FAM217A: variants seen among roughly 807,000 people sequenced by gnomAD.
The protein encoded by FAM217A is protein FAM217A.
A neutral mutation model predicts 18.5 loss-of-function variants in FAM217A; 13 were observed. The observed-to-expected ratio is 0.70, with a 90% CI of 0.46 to 1.12. FAM217A has a LOEUF of 1.12. FAM217A is among the 50% of genes most tolerant of loss of function. The pLI, the probability that FAM217A is intolerant of heterozygous loss-of-function variation, is 0.00. For missense variants in FAM217A, 560 were observed against 575.4 expected (o/e 0.97, Z 0.27); for synonymous variants, 161 against 202.8 (o/e 0.79, Z 1.75).
Position 4,074,567 on chromosome 6 carries a change from G to T in FAM217A, c.145+10C>A. 1 of 1,609,332 alleles carries T rather than the reference G, an allele frequency of 6.2e-7. No homozygotes were observed. The highest frequency in any genetic ancestry group is 8.5e-7 in the Non-Finnish European group (1 of 1,175,950). ...TTTCAGTATAAGTATACACATCTAG[G>T]ATTTCTTACCACCTGCTGCTCCATC... On this transcript the variant is annotated intron_variant, in intron 3 of 6. Coordinates refer to ENST00000274673, the MANE Select transcript of FAM217A (RefSeq NM_173563.3).
chr6:4,079,357 CG>C (rs1032583662), upstream of FAM217A: 40 of 235,054 alleles, frequency 1.7e-4, no homozygotes, highest in Non-Finnish European at 1.4e-4. Flanking sequence ...CGGCCTCCCC[CG>C]CGGGGCTGCG....
rs1299719953 is a variant in FAM217A, at chr6:4,078,950, CCCCTCTGCCG to C, written c.-143_-134del. 10 of 550,962 alleles carry C rather than the reference CCCCTCTGCCG, an allele frequency of 1.8e-5. No individual in the cohort carries two copies. The South Asian group carries it at 2.0e-4, about 11-fold the overall frequency. The allele number at this position is 550,962 out of a possible 1,614,324, so 34.1% of individuals were successfully genotyped here. On this transcript the variant is annotated 5_prime_UTR_variant, in exon 1 of 7. Transcript: ENST00000274673. ...GCGTGGCTGACGGCTTGGAGGGCGC[CCCCTCTGCCG>C]CGGCCTTCCTGCAGCGGGGGGACAA...
In FAM217A at chr6:4,078,948, GC is replaced by G; in HGVS notation, c.-132del. 3.6e-6 allele frequency: 2 copies of G among 550,284 alleles called. No individual in the cohort carries two copies. Among genetic ancestry groups the G allele is most frequent in the South Asian group, 2.2e-5 (1 of 45,500 alleles). The allele number at this position is 550,284 out of a possible 1,614,324, so 34.1% of individuals were successfully genotyped here. A position where few individuals can be genotyped will look rare whatever the true frequency, so the allele number is the denominator to read the frequency against. ...GTGCGTGGCTGACGGCTTGGAGGGC[GC>G]CCCCTCTGCCGCGGCCTTCCTGCAG... On this transcript the variant is annotated 5_prime_UTR_variant, in exon 1 of 7. Coordinates refer to ENST00000274673, the MANE Select transcript of FAM217A (RefSeq NM_173563.3).
intron 6 of FAM217A, among the ~76,000 whole-genome samples, chr6:4,071,317 G>T (rs1033790033): frequency 6.6e-6 from 1 of 152,118 alleles, no homozygotes; most frequent in East Asian, 1.9e-4. Context: ...TTTGTTGATG[G>T]TATATTGAGG....
chr6:4,082,928 G>A (rs148713396), upstream of FAM217A, among the ~76,000 whole-genome samples: 5 of 152,138 alleles, frequency 3.3e-5, no homozygotes, highest in African/African-American at 4.8e-5. Context: ...AGGCCACCAC[G>A]CCTGGCTAAT....
At position 4,068,958 on chromosome 6, in the gene FAM217A, T is replaced by C. The variant is rs770820767; in HGVS notation, c.1265A>G (p.His422Arg). ...QELSFKPTIG[H>R]TNQSMVKMVS... ...CATTTTAACCATTGATTGATTTGTA[T>C]GGCCAATAGTAGGTTTGAATGAGAG... is the stretch of plus-strand genomic sequence containing the variant. Residue 422 changes from histidine (H) to arginine (R), a missense_variant, in exon 7 of 7, where the codon CAT becomes CGT. His to Arg is a conservative substitution (Grantham distance 29). Transcript: ENST00000274673. The C allele has an allele frequency of 2.7e-5, 43 of 1,614,186 alleles. 2 individuals carry two copies. The South Asian group carries it at 4.7e-4, about 18-fold the overall frequency.
chr6:4,074,767 C>T (rs1769665458), intron 2 of FAM217A, 106 bp from the exon 3 acceptor site: 3 of 776,914 alleles, frequency 3.9e-6, no homozygotes, highest in Admixed American at 4.7e-5. Context: ...CACAAAGCTT[C>T]ATGACTCTCA....
At chr6:4,087,080 C>G, upstream of FAM217A, 1 of 399,810 alleles carries the variant, frequency 2.5e-6, no homozygotes, top group Non-Finnish European at 4.4e-6. Flanking sequence ...GAGGACTGCA[C>G]TGATGTAACC....
intron 1 of FAM217A, 115 bp downstream of exon 1, chr6:4,078,737 G>T: frequency 2.5e-6 from 1 of 401,462 alleles, no homozygotes. Context: ...CAAGGCCCCC[G>T]TGAAGAGGAA....
upstream of FAM217A, among the ~76,000 whole-genome samples, chr6:4,079,840 A>G (rs1282792832): frequency 6.6e-6 from 1 of 152,246 alleles, no homozygotes; most frequent in Admixed American, 6.5e-5. Context: ...TCAATAGGAA[A>G]AACAAAAGAT....
chr6:4,083,401 C>T (rs1414576461), upstream of FAM217A, among the ~76,000 whole-genome samples: 1 of 152,186 alleles, frequency 6.6e-6, no homozygotes, highest in East Asian at 1.9e-4. Context: ...GAGGGAAAAG[C>T]CTTCTATTTC....
intron 6 of FAM217A, among the ~76,000 whole-genome samples, chr6:4,070,879 C>T (rs759742450): frequency 6.6e-6 from 1 of 151,932 alleles, no homozygotes; most frequent in Non-Finnish European, 1.5e-5. Flanking sequence ...ACCTGTAGTC[C>T]CTGCTCCTCT....
chr6:4,072,537 T>C (rs974199323), intron 6 of FAM217A, among the ~76,000 whole-genome samples: 3 of 150,196 alleles, frequency 2.0e-5, no homozygotes, highest in Non-Finnish European at 4.4e-5. Flanking sequence ...CCGAGGTGGG[T>C]GGATCACCTG....
At chr6:4,082,526 T>C (rs1183856905), upstream of FAM217A, among the ~76,000 whole-genome samples, 1 of 152,172 alleles carries the variant, frequency 6.6e-6, no homozygotes, top group Non-Finnish European at 1.5e-5. Flanking sequence ...TTACTCCAAT[T>C]TTCCCTTTGC....
rs755168765 is a variant in FAM217A at position 4,068,919 on chromosome 6, C to T, written c.1304G>A (p.Cys435Tyr). Residue 435 changes from cysteine (C) to tyrosine (Y), a missense_variant, in exon 7 of 7, where the codon TGT becomes TAT. Coordinates refer to ENST00000274673, the MANE Select transcript of FAM217A (RefSeq NM_173563.3). ...TGGCATTGGAGACCTCCATGGCAGACATCTTGTGGAGACCATTTTAACCAT... is the reference window on the plus strand; with the variant it reads ...TGGCATTGGAGACCTCCATGGCAGATATCTTGTGGAGACCATTTTAACCAT... ...QSMVKMVSTR[C>Y]LPWRSPMPVS... 10 of 1,614,172 alleles carry T rather than the reference C, an allele frequency of 6.2e-6. No homozygotes were observed. Among genetic ancestry groups the T allele is most frequent in the Non-Finnish European group, 8.5e-6 (10 of 1,180,034 alleles).
chr6:4,082,422 G>A (rs1770363181), upstream of FAM217A, among the ~76,000 whole-genome samples: 1 of 152,162 alleles, frequency 6.6e-6, no homozygotes, highest in South Asian at 2.1e-4. Context: ...CTCCCTCCGA[G>A]GCTAGCCTGA....
chr6:4,084,654 A>G (rs1770525137), exon 2 of FAM217A: 1 of 702,932 alleles, frequency 1.4e-6, no homozygotes, highest in African/African-American at 1.7e-5. Flanking sequence ...TGTTGTGAAC[A>G]GAACACTTTC....
upstream of FAM217A, among the ~76,000 whole-genome samples, chr6:4,082,297 ACCTT>A (rs965120173): frequency 6.6e-6 from 1 of 152,088 alleles, no homozygotes; most frequent in African/African-American, 2.4e-5. Flanking sequence ...AAGAAAATGC[ACCTT>A]CCTTCTGTTG....
rs919454095 is a variant in FAM217A, at chr6:4,070,172, A to G, written c.303-252T>C. On this transcript the variant is annotated intron_variant, in intron 6 of 6. Transcript: ENST00000274673. Reference sequence around the variant, plus strand: ...TTGTGCAAGCACAGGTGACTAGATTATGACACCTAAAACGGCTAACTGTAG... The same window carrying G: ...TTGTGCAAGCACAGGTGACTAGATTGTGACACCTAAAACGGCTAACTGTAG... Among the ~76,000 whole-genome samples the G allele has an allele frequency of 5.1e-4, 77 of 152,254 alleles. 2 individuals carry two copies. Among genetic ancestry groups the G allele is most frequent in the Non-Finnish European group, 1.6e-4 (11 of 68,040 alleles).
Sources: gnomAD v4.1 joint callset for allele counts (sites outside exome capture counted in the v4.1 genomes callset) on GRCh38, gnomAD v4.1.1 for gene constraint, MANE v1.5 for transcripts, NCBI Gene and HGNC (gene_info 2026-07-23, HGNC 2026-07-21) for gene names.